ZMYM2: variants seen among roughly 807,000 people sequenced by gnomAD.
ZMYM2 encodes the protein zinc finger MYM-type containing 2.
A neutral mutation model predicts 162.8 loss-of-function variants in ZMYM2; 56 were observed. The observed-to-expected ratio is 0.34, with a 90% CI of 0.28 to 0.43. The LOEUF is 0.43. ZMYM2 is among the 20% of genes least tolerant of loss of function. The pLI is 1.00. For synonymous variants in ZMYM2, 510 were observed against 541.6 expected (o/e 0.94, Z 0.81); for missense variants, 1,275 against 1,621.8 (o/e 0.79, Z 3.67).
the ZMYM2 span, among the ~76,000 whole-genome samples, chr13:19,914,932 C>A: frequency 4.2e-4 from 64 of 152,190 alleles, no homozygotes; most frequent in Non-Finnish European, 7.4e-4. Context: ...AATCAGTGTC[C>A]AAATATAGGG....
At position 20,079,658 on chromosome 13, in the gene ZMYM2, T is replaced by G. The variant is rs185033379; in HGVS notation, c.3454-2358T>G. ...ACTACCACAATAAGTAATAAAACAT[T>G]TTGTAATTCATTCTGTAACAAGAAC... On this transcript the variant is annotated intron_variant, in intron 21 of 24. Coordinates refer to ENST00000610343, the MANE Select transcript of ZMYM2 (RefSeq NM_197968.4). 1.4e-3 allele frequency among the ~76,000 whole-genome samples: 207 copies of G among 150,936 alleles called. 1 individual carries two copies. Among genetic ancestry groups the G allele is most frequent in the African/African-American group, 4.6e-3 (192 of 41,466 alleles).
At chr13:19,973,044 C>T (rs1165006955) in intron 2 of ZMYM2, among the ~76,000 whole-genome samples, 1 of 151,554 alleles carries the variant, frequency 6.6e-6, no homozygotes, top group Non-Finnish European at 1.5e-5. Context: ...TCAAGCGATT[C>T]TCCTGCCTCA....
chr13:20,030,600 G>A (rs12864789), intron 9 of ZMYM2, among the ~76,000 whole-genome samples: 32,260 of 151,844 alleles, frequency 0.21, 4,273 homozygotes, highest in Admixed American at 0.31. Context: ...GGGTTTTACC[G>A]TGTTAGCCAG....
At chr13:19,952,817 A>G in the ZMYM2 span, among the ~76,000 whole-genome samples, 2 of 152,330 alleles carry the variant, frequency 1.3e-5, no homozygotes, top group African/African-American at 4.8e-5. Context: ...TTCACTGAAG[A>G]AACTGAGGCT....
intron 2 of ZMYM2, among the ~76,000 whole-genome samples, chr13:19,991,492 A>G (rs1224172997): frequency 2.6e-5 from 4 of 152,164 alleles, no homozygotes. Flanking sequence ...TGCTTAGAAA[A>G]TATTAGTTGA....
intron 16 of ZMYM2, among the ~76,000 whole-genome samples, chr13:20,060,062 A>G (rs1956113971): frequency 1.3e-5 from 2 of 152,174 alleles, no homozygotes; most frequent in Admixed American, 6.5e-5. Context: ...AAATTATTTG[A>G]GGATGTGAAA....
At chr13:19,947,317 C>G in the ZMYM2 span, among the ~76,000 whole-genome samples, 2 of 152,306 alleles carry the variant, frequency 1.3e-5, no homozygotes, top group South Asian at 4.1e-4. Flanking sequence ...GCCTCAGCCT[C>G]CCAAAGTGCT....
chr13:19,967,865 C>A (rs1024490116), intron 2 of ZMYM2, among the ~76,000 whole-genome samples: 2 of 152,182 alleles, frequency 1.3e-5, no homozygotes, highest in South Asian at 4.1e-4. Context: ...CTGCCACCAC[C>A]TGGTATGGTA....
chr13:19,953,949 C>T (rs537977569), upstream of ZMYM2, among the ~76,000 whole-genome samples: 98 of 151,474 alleles, frequency 6.5e-4, no homozygotes, highest in Middle Eastern at 3.4e-3. Flanking sequence ...TATTAAAATG[C>T]ATCTAAGACA....
chr13:19,871,691 G>T, the ZMYM2 span, among the ~76,000 whole-genome samples: 2 of 152,152 alleles, frequency 1.3e-5, no homozygotes, highest in East Asian at 3.9e-4. Flanking sequence ...CACATATATG[G>T]CTCTAATTTA....
upstream of ZMYM2, among the ~76,000 whole-genome samples, chr13:19,957,772 C>T (rs1311905622): frequency 6.6e-6 from 1 of 152,242 alleles, no homozygotes; most frequent in Non-Finnish European, 1.5e-5. Context: ...CGCCCCAGGG[C>T]AGGCCTCAGC....
the ZMYM2 span, among the ~76,000 whole-genome samples, chr13:19,923,080 C>T: frequency 6.7e-6 from 1 of 150,358 alleles, no homozygotes; most frequent in Non-Finnish European, 1.5e-5. Context: ...TGGCTCACGC[C>T]TGTAATCCCA....
the ZMYM2 span, among the ~76,000 whole-genome samples, chr13:19,940,771 T>C: frequency 6.6e-6 from 1 of 152,166 alleles, no homozygotes; most frequent in Non-Finnish European, 1.5e-5. Flanking sequence ...TCTAAGGAAA[T>C]GCTATAACCT....
chr13:20,006,652 T>C, intron 6 of ZMYM2, 66 bp downstream of exon 6: 3 of 1,447,562 alleles, frequency 2.1e-6, no homozygotes, highest in Non-Finnish European at 2.9e-6. Context: ...GTAATACTTT[T>C]ACTCTAACAG....
chr13:19,959,644 C>G (rs1032549247), intron 1 of ZMYM2, among the ~76,000 whole-genome samples: 7 of 152,108 alleles, frequency 4.6e-5, no homozygotes, highest in Non-Finnish European at 1.0e-4. Context: ...GGAGGGAATA[C>G]AAATCCCTTG....
At chr13:19,998,622 G>T (rs1197841520) in intron 3 of ZMYM2, among the ~76,000 whole-genome samples, 1 of 152,120 alleles carries the variant, frequency 6.6e-6, no homozygotes, top group Non-Finnish European at 1.5e-5. Flanking sequence ...TTACTGTGAT[G>T]ATAGTTAAAT....
intron 21 of ZMYM2, chr13:20,072,273 A>C (rs184368488): frequency 1.6e-4 from 25 of 152,720 alleles, no homozygotes; most frequent in African/African-American, 5.5e-4. Context: ...TAATCCCAAC[A>C]CTTTGGGAGG....
Position 20,085,883 on chromosome 13 carries a change from A to G in ZMYM2, c.4003A>G (p.Thr1335Ala), listed in dbSNP as rs754653020. Residue 1335 changes from threonine to alanine, a missense_variant, in exon 25 of 25, where the codon ACA becomes GCA. Around this residue, in one of 10 missense-constraint regions of ZMYM2, gnomAD observed 69 missense variants for 78.4 expected, o/e 0.88. Coordinates refer to ENST00000610343, the MANE Select transcript of ZMYM2 (RefSeq NM_197968.4). Reference protein sequence around the residue: ...FYLQPECSSSTDSPVWYTSTS... With the variant: ...FYLQPECSSSADSPVWYTSTS... ...TTTGCAACCAGAATGCTCTAGTTCT[A>G]CAGATAGCCCTGTCTGGTATACGTC... 7 of 1,613,514 alleles carry G rather than the reference A, an allele frequency of 4.3e-6. No individual in the cohort carries two copies. The highest frequency in any genetic ancestry group is 2.2e-5 in the South Asian group (2 of 91,026).
intron 21 of ZMYM2, among the ~76,000 whole-genome samples, chr13:20,068,703 C>T (rs1441368198): frequency 6.6e-6 from 1 of 152,034 alleles, no homozygotes; most frequent in Non-Finnish European, 1.5e-5. Context: ...TCTTGGTCCT[C>T]TAGTTTCAGA....
Sources: allele counts gnomAD v4.1 joint callset (sites outside exome capture counted in the v4.1 genomes callset), GRCh38; gene constraint gnomAD v4.1.1; regional missense constraint gnomAD v4.1.1; transcripts MANE v1.5; gene names NCBI Gene and HGNC (gene_info 2026-07-23, HGNC 2026-07-21).